The following LPIN2 variants were observed in gnomAD, a reference collection of about 807,000 sequenced individuals.
LPIN2 encodes phosphatidate phosphatase LPIN2.
LPIN2 carries 55 observed loss-of-function variants against 111.4 expected under a neutral mutation model. The observed-to-expected ratio is 0.49, with a 90% CI of 0.40 to 0.62. The LOEUF (loss-of-function observed/expected upper bound fraction) is 0.62, where lower values mean the gene tolerates loss of function less well. Ranked by LOEUF, LPIN2 falls within the 20% of genes least tolerant of loss-of-function variation. LPIN2 has a pLI of 0.00. For missense variants in LPIN2, 992 were observed against 1,112.1 expected (o/e 0.89, Z 1.54); for synonymous variants, 425 against 414.0 (o/e 1.03, Z -0.32).
intron 1 of LPIN2, chr18:2,977,004 C>G (rs991024209): frequency 6.6e-6 from 1 of 152,042 alleles, no homozygotes; most frequent in Non-Finnish European, 1.5e-5. Context: ...CCCAGGAGTT[C>G]AAGACCAGCC....
intron 1 of LPIN2, among the ~76,000 whole-genome samples, chr18:2,978,609 T>C (rs908220147): frequency 3.3e-5 from 5 of 152,244 alleles, no homozygotes; most frequent in African/African-American, 1.2e-4. Context: ...GGTTGGGCTC[T>C]GGAACAGAAA....
At chr18:2,986,547 TAAA>T (rs1555606339) in intron 1 of LPIN2, among the ~76,000 whole-genome samples, 2 of 135,044 alleles carry the variant, frequency 1.5e-5, no homozygotes, top group Non-Finnish European at 3.1e-5. Flanking sequence ...TTTTTTAATG[TAAA>T]AAAAAAAAAA....
In LPIN2 at chr18:2,929,311, CT is replaced by C. The variant is rs1030429038; in HGVS notation, c.1457-154del. On this transcript the variant is annotated intron_variant, in intron 9 of 19. Coordinates refer to ENST00000677752, the MANE Select transcript of LPIN2 (RefSeq NM_001375808.2). ...TTCATCAAAAGCAAAATGTCAGACG[CT>C]TTTTTTCCCCAGGACAAGAAAGAAC... 5.5e-4 allele frequency among the ~76,000 whole-genome samples: 83 copies of C among 152,120 alleles called. 3 individuals are homozygous for C. Among genetic ancestry groups the C allele is most frequent in the South Asian group, 2.1e-4 (1 of 4,828 alleles).
At chr18:2,980,737 G>A (rs2078096987) in intron 1 of LPIN2, among the ~76,000 whole-genome samples, 1 of 152,336 alleles carries the variant, frequency 6.6e-6, no homozygotes, top group Admixed American at 6.5e-5. Flanking sequence ...TTCCGCTGGA[G>A]AAGAGGTCTG....
Position 3,011,133 on chromosome 18 carries a change from G to A in LPIN2, c.-10+1954C>T, listed in dbSNP as rs369348911. The stretch of plus-strand genomic sequence containing the variant: ...GGGTCCAGTCCTTAAAACCAAAAGT[G>A]CAATACAGGGCGATGAGAACTTCTA... On this transcript the variant is annotated intron_variant, in intron 1 of 19. Transcript: ENST00000677752. Among the ~76,000 whole-genome samples, 94 of 152,188 alleles carry A rather than the reference G, an allele frequency of 6.2e-4. No homozygotes were observed. The East Asian group carries it at 0.012, about 19-fold the overall frequency.
chr18:2,986,606 G>A (rs1227861462), intron 1 of LPIN2, among the ~76,000 whole-genome samples: 1 of 150,732 alleles, frequency 6.6e-6, no homozygotes, highest in Non-Finnish European at 1.5e-5. Flanking sequence ...AAGTTCAAAG[G>A]TTAATGCAAC....
At chr18:2,926,366 G>C (rs931864013) in intron 13 of LPIN2, among the ~76,000 whole-genome samples, 3 of 152,132 alleles carry the variant, frequency 2.0e-5, no homozygotes, top group African/African-American at 7.2e-5. Flanking sequence ...TTTCTTCCAG[G>C]AAAGGAAACC....
chr18:3,000,699 C>T (rs1419153721), intron 1 of LPIN2, among the ~76,000 whole-genome samples: 1 of 152,164 alleles, frequency 6.6e-6, no homozygotes, highest in Non-Finnish European at 1.5e-5. Context: ...TTTTTATGCC[C>T]TCTGGCCTGC....
At position 2,921,594 on chromosome 18, in the gene LPIN2, A is replaced by G. The variant is rs183821298; in HGVS notation, c.2381T>C (p.Ile794Thr). The stretch of plus-strand genomic sequence containing the variant: ...CTTAGACGGGGCAAACAGATTCTTG[A>G]TATCATTTAGACACTCAATTTTGAA... ...EKFKIECLND[I>T]KNLFAPSKQP... The change falls in exon 18 of 20, where the codon ATC becomes ACC. Residue 794 changes from isoleucine (I) to threonine (T), a missense_variant. Ile to Thr is a moderately conservative substitution (Grantham distance 89). This residue lies in a region of LPIN2 where 185 missense variants were observed against 186.5 expected (regional missense o/e 0.99). Coordinates refer to ENST00000677752, the MANE Select transcript of LPIN2 (RefSeq NM_001375808.2). 7.2e-5 allele frequency: 117 copies of G among 1,614,130 alleles called. 1 individual carries two copies. The East Asian group carries it at 2.2e-3, about 31-fold the overall frequency.
At chr18:2,996,311 G>A (rs1282931998) in intron 1 of LPIN2, among the ~76,000 whole-genome samples, 1 of 151,946 alleles carries the variant, frequency 6.6e-6, no homozygotes, top group Non-Finnish European at 1.5e-5. Flanking sequence ...CTGCAGTCCA[G>A]CCTGGTGACA....
intron 1 of LPIN2, among the ~76,000 whole-genome samples, chr18:3,004,052 T>G (rs949706106): frequency 6.6e-6 from 1 of 152,178 alleles, no homozygotes; most frequent in African/African-American, 2.4e-5. Flanking sequence ...CCTGGTCTCC[T>G]ACAGTACCCT....
chr18:2,957,173 A>G (rs1233444862), intron 2 of LPIN2, among the ~76,000 whole-genome samples: 2 of 152,246 alleles, frequency 1.3e-5, no homozygotes, highest in African/African-American at 2.4e-5. Context: ...CAGTCGATGT[A>G]CTAGACTTTT....
chr18:2,936,038 T>C (rs647195), intron 7 of LPIN2, among the ~76,000 whole-genome samples: 70,052 of 152,112 alleles, frequency 0.46, 19,431 homozygotes, highest in Non-Finnish European at 0.61. Context: ...TACAGGCCTT[T>C]GGTGGAAGAG....
intron 2 of LPIN2, among the ~76,000 whole-genome samples, chr18:2,958,158 C>CAAAAAAAAAAAAAAAAAAAATAT (rs1555678271): frequency 2.8e-5 from 1 of 35,352 alleles, no homozygotes; most frequent in African/African-American, 1.1e-4. Flanking sequence ...AAAAAAAAAA[C>CAAAAAAAAAAAAAAAAAAAATAT]AACAAAAAAA....
intron 3 of LPIN2, 25 bp from the exon 4 acceptor site, chr18:2,951,381 G>A (rs752359592): frequency 2.1e-5 from 33 of 1,597,696 alleles, no homozygotes; most frequent in Non-Finnish European, 2.7e-5. Flanking sequence ...AGAAAGAAAA[G>A]TTATCCATGA....
At chr18:2,926,121 G>GA (rs1192100209) in intron 13 of LPIN2, among the ~76,000 whole-genome samples, 1 of 151,962 alleles carries the variant, frequency 6.6e-6, no homozygotes, top group Non-Finnish European at 1.5e-5. Flanking sequence ...TGAGACTCTA[G>GA]AAAAAAACAA....
intron 7 of LPIN2, among the ~76,000 whole-genome samples, chr18:2,934,790 C>G (rs1259129463): frequency 1.3e-5 from 2 of 152,320 alleles, no homozygotes; most frequent in African/African-American, 4.8e-5. Flanking sequence ...AGGCAACCAC[C>G]TGCATTGGGA....
intron 1 of LPIN2, among the ~76,000 whole-genome samples, chr18:3,002,957 C>T (rs950188621): frequency 6.6e-6 from 1 of 152,224 alleles, no homozygotes; most frequent in South Asian, 2.1e-4. Context: ...ATTCACCTTT[C>T]GCCCTTTGTC....
intron 1 of LPIN2, among the ~76,000 whole-genome samples, chr18:2,977,822 A>G (rs113565329): frequency 0.01 from 1,556 of 152,322 alleles, 25 homozygotes; most frequent in African/African-American, 0.035. Context: ...AGAAACTAGA[A>G]ACTCACTATT....
Sources: allele counts gnomAD v4.1 joint callset (sites outside exome capture counted in the v4.1 genomes callset), GRCh38; gene constraint gnomAD v4.1.1; regional missense constraint gnomAD v4.1.1; transcripts MANE v1.5; gene names NCBI Gene and HGNC (gene_info 2026-07-23, HGNC 2026-07-21).